RBFOX1: variants seen among roughly 807,000 people sequenced by gnomAD.
The protein encoded by RBFOX1 is RNA binding fox-1 homolog 1.
RBFOX1 carries 8 observed loss-of-function variants against 57.7 expected under a neutral mutation model. The ratio of observed to expected loss-of-function variants is 0.14; its 90% CI spans 0.08 to 0.25. The LOEUF (loss-of-function observed/expected upper bound fraction) is 0.25, where lower values mean the gene tolerates loss of function less well. RBFOX1 is among the 10% of genes least tolerant of loss of function. RBFOX1 has a pLI of 1.00. For synonymous variants in RBFOX1, 326 were observed against 222.4 expected, an observed-to-expected ratio of 1.47 and a Z score of -4.15; for missense variants, 611 against 548.5, an observed-to-expected ratio of 1.11 and a Z score of -1.14.
Position 6,277,745 on chromosome 16 carries a change from G to T in RBFOX1, c.-126-39250G>T, listed in dbSNP as rs548454371. On this transcript the variant is annotated intron_variant, in intron 1 of 15. Coordinates refer to ENST00000550418, the MANE Select transcript of RBFOX1 (RefSeq NM_018723.4). ...ATCCCGACCGCTGTATATAACTGCT[G>T]GTTTCCCCTACATTTAATGTGCGGT... Among the ~76,000 whole-genome samples, 27 of 151,982 alleles carry T rather than the reference G, an allele frequency of 1.8e-4. 1 individual carries two copies. The highest frequency in any genetic ancestry group is 6.5e-4 in the African/African-American group (27 of 41,428).
At chr16:6,176,186 C>T (rs2097005979) in intron 1 of RBFOX1, among the ~76,000 whole-genome samples, 1 of 151,938 alleles carries the variant, frequency 6.6e-6, no homozygotes, top group Non-Finnish European at 1.5e-5. Context: ...GCTCTGTCAC[C>T]CACGTTGGAG....
At chr16:6,751,684 C>T (rs1206246324) in intron 3 of RBFOX1, among the ~76,000 whole-genome samples, 1 of 152,152 alleles carries the variant, frequency 6.6e-6, no homozygotes, top group African/African-American at 2.4e-5. Flanking sequence ...TGGTTATCAT[C>T]AGCTTGCTGC....
At chr16:5,407,146 C>T (rs887143676) in intron 1 of RBFOX1, among the ~76,000 whole-genome samples, 1 of 152,088 alleles carries the variant, frequency 6.6e-6, no homozygotes, top group East Asian at 1.9e-4. Flanking sequence ...AAGAGAGAGA[C>T]AGAGTGAAAA....
At chr16:7,693,231 C>A (rs2077766867) in intron 14 of RBFOX1, 1 of 1,136,236 alleles carries the variant, frequency 8.8e-7, no homozygotes, top group Non-Finnish European at 1.3e-6. Context: ...CTTCCCTCCC[C>A]TCATCTGTAC....
intron 3 of RBFOX1, among the ~76,000 whole-genome samples, chr16:5,616,747 C>T (rs915445771): frequency 7.0e-6 from 1 of 143,864 alleles, no homozygotes; most frequent in African/African-American, 2.6e-5. Context: ...CCTGTCCCTT[C>T]TCCCTCTCCT....
chr16:5,649,134 T>C (rs1355961978), intron 3 of RBFOX1, among the ~76,000 whole-genome samples: 1 of 151,974 alleles, frequency 6.6e-6, no homozygotes, highest in Non-Finnish European at 1.5e-5. Flanking sequence ...CATATATACA[T>C]ACATATACAT....
At chr16:5,266,611 G>A (rs150579059) in intron 1 of RBFOX1, among the ~76,000 whole-genome samples, 6 of 145,370 alleles carry the variant, frequency 4.1e-5, no homozygotes, top group African/African-American at 1.0e-4. Flanking sequence ...ACAGTGGCAC[G>A]ATCATGGCTC....
At chr16:5,370,820 C>G (rs2151370829) in intron 1 of RBFOX1, among the ~76,000 whole-genome samples, 1 of 152,078 alleles carries the variant, frequency 6.6e-6, no homozygotes, top group East Asian at 2.0e-4. Context: ...TTCTTATCAG[C>G]AGTTCCACCC....
At chr16:6,897,576 T>C (rs1488815496) in intron 3 of RBFOX1, among the ~76,000 whole-genome samples, 1 of 152,178 alleles carries the variant, frequency 6.6e-6, no homozygotes, top group African/African-American at 2.4e-5. Context: ...GGCGGATCAC[T>C]TGAGGTCAGG....
chr16:7,389,410 G>A (rs568734854), intron 4 of RBFOX1, among the ~76,000 whole-genome samples: 24 of 152,284 alleles, frequency 1.6e-4, no homozygotes, highest in African/African-American at 5.8e-4. Context: ...ACAGGCATGA[G>A]CCACAGTGCC....
chr16:6,904,355 C>T (rs897637177), intron 3 of RBFOX1, among the ~76,000 whole-genome samples: 3 of 151,892 alleles, frequency 2.0e-5, no homozygotes. Context: ...AATCCCAGCA[C>T]CTTGGAAGGC....
chr16:7,371,592 A>C (rs1295067920), intron 4 of RBFOX1, among the ~76,000 whole-genome samples: 1 of 152,148 alleles, frequency 6.6e-6, no homozygotes, highest in African/African-American at 2.4e-5. Flanking sequence ...TCTACTAAAA[A>C]TACAAAAATT....
At chr16:6,353,778 G>A (rs2086809638) in intron 2 of RBFOX1, among the ~76,000 whole-genome samples, 1 of 152,132 alleles carries the variant, frequency 6.6e-6, no homozygotes, top group Non-Finnish European at 1.5e-5. Flanking sequence ...AATCCACGTT[G>A]AGGAAGATCT....
chr16:6,999,412 TTA>T (rs1255635712), intron 3 of RBFOX1, among the ~76,000 whole-genome samples: 1 of 151,340 alleles, frequency 6.6e-6, no homozygotes, highest in Non-Finnish European at 1.5e-5. Context: ...TTGGTGATAC[TTA>T]AACTCATTCT....
intron 3 of RBFOX1, among the ~76,000 whole-genome samples, chr16:6,794,280 A>ATTTTTTT (rs372963833): frequency 4.8e-5 from 6 of 125,206 alleles, no homozygotes; most frequent in East Asian, 2.4e-4. Flanking sequence ...CTTGTTCGTG[A>ATTTTTTT]TTTTTTTTTT....
At chr16:6,074,131 G>T (rs1000748887) in intron 1 of RBFOX1, among the ~76,000 whole-genome samples, 17 of 152,140 alleles carry the variant, frequency 1.1e-4, no homozygotes, top group Middle Eastern at 3.4e-3. Context: ...TGTAGTTTTA[G>T]TAGAGACAGG....
intron 1 of RBFOX1, among the ~76,000 whole-genome samples, chr16:6,105,823 C>G (rs185296204): frequency 1.1e-4 from 17 of 152,154 alleles, no homozygotes; most frequent in East Asian, 9.7e-4. Flanking sequence ...TGGGCTTAAG[C>G]TGTATATGTT....
intron 1 of RBFOX1, among the ~76,000 whole-genome samples, chr16:6,207,268 A>G (rs974105228): frequency 8.5e-5 from 13 of 152,200 alleles, no homozygotes; most frequent in African/African-American, 3.1e-4. Context: ...TGCATAAGGC[A>G]CACTTTATCT....
At chr16:6,509,793 G>A (rs148739588) in intron 2 of RBFOX1, among the ~76,000 whole-genome samples, 3 of 152,274 alleles carry the variant, frequency 2.0e-5, no homozygotes, top group Middle Eastern at 3.4e-3. Context: ...AATATCTCAT[G>A]TAACTCATAA....
Sources: allele counts gnomAD v4.1 joint callset (sites outside exome capture counted in the v4.1 genomes callset), GRCh38; gene constraint gnomAD v4.1.1; transcripts MANE v1.5; gene names NCBI Gene and HGNC (gene_info 2026-07-23, HGNC 2026-07-21).